The following LDB2 variants were observed in gnomAD, a reference collection of about 807,000 sequenced individuals.
The protein encoded by LDB2 is LIM domain binding 2, also known as LIM domain-binding protein 2.
In LDB2, 12 loss-of-function variants were observed where a neutral mutation model predicts 44.3. The observed-to-expected ratio is 0.27, with a 90% CI of 0.17 to 0.44. LDB2 has a LOEUF of 0.44. Among genes scored for constraint, LDB2 ranks in the 20% least tolerant of loss-of-function variants. The pLI is 1.00. For missense variants in LDB2, 344 were observed against 473.5 expected (o/e 0.73, Z 2.54); for synonymous variants, 164 against 174.8 (o/e 0.94, Z 0.49).
intron 1 of LDB2, among the ~76,000 whole-genome samples, chr4:16,804,342 AG>A (rs1561285793): frequency 6.6e-6 from 1 of 152,224 alleles, no homozygotes; most frequent in East Asian, 1.9e-4. Flanking sequence ...AGAAAAAGAC[AG>A]AAACAAACAA....
chr4:16,778,143 C>A (rs1772372985), intron 1 of LDB2, among the ~76,000 whole-genome samples: 1 of 152,138 alleles, frequency 6.6e-6, no homozygotes, highest in African/African-American at 2.4e-5. Context: ...AAACTGACGG[C>A]AAAGAGGCCT....
chr4:16,512,772 T>C (rs889447227), intron 5 of LDB2, among the ~76,000 whole-genome samples: 3 of 152,242 alleles, frequency 2.0e-5, no homozygotes, highest in Non-Finnish European at 2.9e-5. Flanking sequence ...TTTGTGGTTC[T>C]GCATACAGCC....
In LDB2 at chr4:16,865,965, T is replaced by C. The variant is rs111320000; in HGVS notation, c.132+32389A>G. On this transcript the variant is annotated intron_variant, in intron 1 of 7. Transcript: ENST00000304523. ...TGCTCCAGTGTTCCCCTGGAGAAACTTCCTCTCTAAATCAGCTACCCCCAT... is the reference window on the plus strand; with the variant it reads ...TGCTCCAGTGTTCCCCTGGAGAAACCTCCTCTCTAAATCAGCTACCCCCAT... Among the ~76,000 whole-genome samples the C allele has an allele frequency of 2.4e-3, 368 of 152,280 alleles. 2 individuals carry two copies. The highest frequency in any genetic ancestry group is 8.5e-3 in the African/African-American group (353 of 41,550).
At chr4:16,709,505 T>G (rs1755394832) in intron 2 of LDB2, among the ~76,000 whole-genome samples, 1 of 152,188 alleles carries the variant, frequency 6.6e-6, no homozygotes, top group Non-Finnish European at 1.5e-5. Context: ...GGTACTCAAT[T>G]AATATTCATT....
At chr4:16,787,269 A>G (rs1774644049) in intron 1 of LDB2, among the ~76,000 whole-genome samples, 1 of 152,156 alleles carries the variant, frequency 6.6e-6, no homozygotes. Flanking sequence ...TCCTGCCTCA[A>G]AAAGTCTACA....
chr4:16,577,262 T>C (rs115674417), intron 5 of LDB2, among the ~76,000 whole-genome samples: 3,187 of 152,216 alleles, frequency 0.021, 58 homozygotes, highest in Non-Finnish European at 0.036. Context: ...ATAAAGGGCA[T>C]CCAAACTGGA....
intron 2 of LDB2, among the ~76,000 whole-genome samples, chr4:16,640,437 T>A (rs1160186283): frequency 1.3e-5 from 2 of 152,182 alleles, no homozygotes; most frequent in Non-Finnish European, 2.9e-5. Flanking sequence ...GGAACAATCC[T>A]GACTTTTTAG....
chr4:16,603,423 A>C (rs1723092951), intron 2 of LDB2, among the ~76,000 whole-genome samples: 1 of 152,178 alleles, frequency 6.6e-6, no homozygotes, highest in Non-Finnish European at 1.5e-5. Context: ...AAGCAACAGC[A>C]TTAGTTAGAG....
intron 5 of LDB2, among the ~76,000 whole-genome samples, chr4:16,515,568 T>C (rs755050994): frequency 9.2e-5 from 14 of 152,120 alleles, no homozygotes; most frequent in Non-Finnish European, 1.9e-4. Flanking sequence ...GATTTAAGAG[T>C]GGGTTATCCC....
chr4:16,705,929 T>C (rs1578934084), intron 2 of LDB2, among the ~76,000 whole-genome samples: 1 of 152,202 alleles, frequency 6.6e-6, no homozygotes, highest in East Asian at 1.9e-4. Context: ...ACATATGAGA[T>C]TACCTTTCAC....
At chr4:16,663,328 GGT>G (rs1175648953) in intron 2 of LDB2, among the ~76,000 whole-genome samples, 1 of 152,112 alleles carries the variant, frequency 6.6e-6, no homozygotes, top group Non-Finnish European at 1.5e-5. Context: ...CAATTTCTGT[GGT>G]GTAAATTCTC....
intron 1 of LDB2, among the ~76,000 whole-genome samples, chr4:16,768,990 T>G (rs1037472931): frequency 2.6e-5 from 4 of 152,212 alleles, no homozygotes; most frequent in Admixed American, 2.0e-4. Flanking sequence ...TTTAGACTCA[T>G]GACTGCTCCA....
intron 2 of LDB2, among the ~76,000 whole-genome samples, chr4:16,740,479 C>T (rs1169670286): frequency 2.0e-5 from 3 of 152,200 alleles, no homozygotes; most frequent in African/African-American, 7.2e-5. Context: ...TCCAATCGTG[C>T]GAGCTGTTCT....
chr4:16,783,416 G>C (rs1773726499), intron 1 of LDB2, among the ~76,000 whole-genome samples: 1 of 152,258 alleles, frequency 6.6e-6, no homozygotes, highest in Non-Finnish European at 1.5e-5. Context: ...GCCAGACCTT[G>C]CATTTTCTCC....
intron 2 of LDB2, among the ~76,000 whole-genome samples, chr4:16,736,422 C>T (rs530632696): frequency 3.3e-5 from 5 of 152,266 alleles, no homozygotes; most frequent in South Asian, 2.1e-4. Context: ...AGGCTGTTTC[C>T]GCCTCCAACT....
At chr4:16,698,989 C>T (rs1443777716) in intron 2 of LDB2, among the ~76,000 whole-genome samples, 2 of 152,158 alleles carry the variant, frequency 1.3e-5, no homozygotes, top group African/African-American at 4.8e-5. Flanking sequence ...GCTCAGCTAG[C>T]ATTTTTCCTT....
intron 5 of LDB2, among the ~76,000 whole-genome samples, chr4:16,567,448 A>G (rs1435856478): frequency 6.6e-6 from 1 of 152,000 alleles, no homozygotes; most frequent in Non-Finnish European, 1.5e-5. Context: ...ATGCTTGTAT[A>G]TTCATGGAAT....
chr4:16,868,609 T>C (rs1715464365), intron 1 of LDB2, among the ~76,000 whole-genome samples: 1 of 152,200 alleles, frequency 6.6e-6, no homozygotes, highest in Non-Finnish European at 1.5e-5. Context: ...TGAATGGATT[T>C]GTCTCTCCTC....
At chr4:16,512,239 A>T (rs1188015269) in intron 5 of LDB2, 135 bp from the exon 6 acceptor site, 1 of 824,774 alleles carries the variant, frequency 1.2e-6, no homozygotes, top group Non-Finnish European at 1.8e-6. Flanking sequence ...CTTTATATAA[A>T]TGTGAGGAAA....
Sources: gnomAD v4.1 joint callset for allele counts (sites outside exome capture counted in the v4.1 genomes callset) on GRCh38, gnomAD v4.1.1 for gene constraint, MANE v1.5 for transcripts, NCBI Gene and HGNC (gene_info 2026-07-23, HGNC 2026-07-21) for gene names.